CPSF7: variants seen among roughly 807,000 people sequenced by gnomAD.
CPSF7 encodes cleavage and polyadenylation specificity factor subunit 7.
CPSF7 carries 1 observed loss-of-function variant against 44.3 expected under a neutral mutation model. That is an observed-to-expected ratio of 0.02 (90% CI 0.01 to 0.11). CPSF7 has a LOEUF of 0.11. CPSF7 is among the 10% of genes least tolerant of loss of function. The pLI, the probability that CPSF7 is intolerant of heterozygous loss-of-function variation, is 1.00. For missense variants in CPSF7, 443 were observed against 607.2 expected (o/e 0.73, Z 2.84); for synonymous variants, 202 against 222.0 (o/e 0.91, Z 0.80).
At chr11:61,423,644 A>G (rs753078900) in intron 2 of CPSF7, among the ~76,000 whole-genome samples, 1 of 152,232 alleles carries the variant, frequency 6.6e-6, no homozygotes, top group Non-Finnish European at 1.5e-5. Context: ...AAAAGGGAAT[A>G]AAGGAGGCAC....
chr11:61,412,004 G>T, intron 7 of CPSF7, 67 bp from the exon 8 acceptor site: 1 of 1,431,010 alleles, frequency 7.0e-7, no homozygotes, highest in Non-Finnish European at 9.8e-7. Context: ...ACCAAAAGGA[G>T]AACTCAGGCA....
chr11:61,428,136 A>G (rs1187606273), intron 2 of CPSF7, among the ~76,000 whole-genome samples: 1 of 152,214 alleles, frequency 6.6e-6, no homozygotes, highest in Non-Finnish European at 1.5e-5. Flanking sequence ...AATTGACCTC[A>G]AGACTGAAAA....
rs766057871 is a variant in CPSF7, at chr11:61,420,479, TG to T, written c.367del (p.Gln123SerfsTer10). ...LKFAENRANG[Q>X]SKGYAEVVVA... The stretch of plus-strand genomic sequence containing the variant: ...CAAATCCAGACCTCACCCTTTGGAC[TG>T]GCCATTTGCTCGATTCTCTGCAAAT... On this transcript the variant is annotated frameshift_variant, in exon 4 of 10. Transcript: ENST00000439958. LOFTEE classifies it high-confidence loss of function. The T allele has an allele frequency of 6.2e-7, 1 of 1,613,016 alleles. No homozygotes were observed. Among genetic ancestry groups the T allele is most frequent in the Non-Finnish European group, 8.5e-7 (1 of 1,178,928 alleles).
chr11:61,419,745 T>TCCC (rs1860685551), intron 5 of CPSF7, among the ~76,000 whole-genome samples: 1 of 152,144 alleles, frequency 6.6e-6, no homozygotes, highest in South Asian at 2.1e-4. Flanking sequence ...CCTACTTGAC[T>TCCC]CCCAGCACAA....
chr11:61,424,755 C>T (rs1861195138), intron 2 of CPSF7, among the ~76,000 whole-genome samples: 1 of 151,606 alleles, frequency 6.6e-6, no homozygotes, highest in Admixed American at 6.6e-5. Context: ...ACCCAGCCTT[C>T]TTTTTTTTTA....
chr11:61,429,396 G>T (rs949832597), intron 1 of CPSF7, 106 bp from the exon 2 acceptor site: 2 of 699,788 alleles, frequency 2.9e-6, no homozygotes, highest in South Asian at 1.7e-5. Context: ...GCATCCTGGC[G>T]GCCCCAGCTC....
In CPSF7 at chr11:61,427,654, AG is replaced by A. The variant is rs1465586928; in HGVS notation, c.54+1527del. Among the ~76,000 whole-genome samples, 749 of 150,312 alleles carry A rather than the reference AG, an allele frequency of 5.0e-3. 4 individuals carry two copies. The highest frequency in any genetic ancestry group is 8.5e-3 in the Non-Finnish European group (573 of 67,368). On this transcript the variant is annotated intron_variant, in intron 2 of 9. Coordinates refer to ENST00000439958, the MANE Select transcript of CPSF7 (RefSeq NM_001142565.3). Reference sequence around the variant, plus strand: ...GGTGACAGAGAGAGACTCTGTCTCAAGAAAAAAAAAAAAAAAAAAGGAAAAT... The same window carrying A: ...GGTGACAGAGAGAGACTCTGTCTCAAAAAAAAAAAAAAAAAAAAGGAAAAT...
rs990355373 is a variant in CPSF7 at position 61,404,619 on chromosome 11, G to C, written c.*91C>G. The C allele has an allele frequency of 6.6e-6, 1 of 152,226 alleles. No homozygotes were observed. The highest frequency in any genetic ancestry group is 1.5e-5 in the Non-Finnish European group (1 of 68,114). The allele number at this position is 152,226 out of a possible 1,614,324, so 9.4% of individuals were successfully genotyped here. A position where few individuals can be genotyped will look rare whatever the true frequency, so the allele number is the denominator to read the frequency against. ...GTTAGGGGTTTGGAGGAAAGGGAAGGGGGTGGGGCGGCCTCCGTCCTTTAG... is the reference window on the plus strand; with the variant it reads ...GTTAGGGGTTTGGAGGAAAGGGAAGCGGGTGGGGCGGCCTCCGTCCTTTAG... On this transcript the variant is annotated 3_prime_UTR_variant, in exon 10 of 10. Transcript: ENST00000439958.
At chr11:61,415,890 T>C (rs1035818309) in intron 6 of CPSF7, 106 bp from the exon 7 acceptor site, 1 of 917,932 alleles carries the variant, frequency 1.1e-6, no homozygotes, top group African/African-American at 1.7e-5. Context: ...ATGCTAGACA[T>C]CTGTAGCATT....
At position 61,410,905 on chromosome 11, in the gene CPSF7, C is replaced by G. The variant is rs768161827; in HGVS notation, c.*5+33G>C. Reference sequence around the variant, plus strand: ...TATAAATCTTTTTTTAATAAAAAATCCCCCAGCAGCCAGGAACGGGGCTTC... The same window carrying G: ...TATAAATCTTTTTTTAATAAAAAATGCCCCAGCAGCCAGGAACGGGGCTTC... On this transcript the variant is annotated intron_variant, in intron 9 of 9. Transcript: ENST00000439958. 6 of 1,529,532 alleles carry G rather than the reference C, an allele frequency of 3.9e-6. No homozygotes were observed. In the Middle Eastern group the frequency reaches 5.3e-4, roughly 135 times the overall value. 94.7% of individuals were successfully genotyped at this position (1,529,532 alleles called of 1,614,324 possible).
At chr11:61,420,651 TAGTCACAACTA>T in intron 3 of CPSF7, 78 bp from the exon 4 acceptor site, 1 of 1,080,754 alleles carries the variant, frequency 9.3e-7, no homozygotes, top group East Asian at 2.4e-5. Context: ...CCCAGGATTC[TAGTCACAACTA>T]AGTCCCCCCA....
intron 7 of CPSF7, among the ~76,000 whole-genome samples, chr11:61,412,425 G>A (rs1436926037): frequency 1.3e-5 from 2 of 151,980 alleles, no homozygotes; most frequent in Middle Eastern, 3.4e-3. Context: ...GAGTAGCTGG[G>A]ACTACAGGCG....
intron 2 of CPSF7, among the ~76,000 whole-genome samples, chr11:61,422,632 C>T (rs1329472242): frequency 6.6e-6 from 1 of 151,882 alleles, no homozygotes; most frequent in Admixed American, 6.5e-5. Flanking sequence ...CAATGATATA[C>T]AAAAAACAGT....
Position 61,429,953 on chromosome 11 carries a change from C to A in CPSF7, c.-95G>T. On this transcript the variant is annotated 5_prime_UTR_variant, in exon 1 of 10. Coordinates refer to ENST00000439958, the MANE Select transcript of CPSF7 (RefSeq NM_001142565.3). ...CGGCGGCGGCGAGTCCGGACTAGGC[C>A]CGAAGCGCGCGAACCGCTCTCCGCC... 7.4e-7 allele frequency: 1 copy of A among 1,360,336 alleles called. No homozygotes were observed. 84.3% of individuals were successfully genotyped at this position (1,360,336 alleles called of 1,614,324 possible).
intron 3 of CPSF7, 124 bp from the exon 4 acceptor site, chr11:61,420,697 A>G: frequency 1.4e-6 from 1 of 707,948 alleles, no homozygotes; most frequent in South Asian, 1.7e-5. Flanking sequence ...GCCTGGCAAT[A>G]TTTCAATTAG....
At chr11:61,409,694 G>A (rs1401997108) in intron 9 of CPSF7, among the ~76,000 whole-genome samples, 1 of 149,070 alleles carries the variant, frequency 6.7e-6, no homozygotes, top group East Asian at 2.0e-4. Context: ...ATGGGGTCTC[G>A]GCCAGGCATG....
intron 9 of CPSF7, chr11:61,405,991 T>C (rs1214058398): frequency 1.3e-5 from 2 of 152,232 alleles, no homozygotes; most frequent in African/African-American, 4.8e-5. Flanking sequence ...CAGTTTTCAA[T>C]GGATAACGAG....
At chr11:61,420,860 A>ATTTT (rs1860798977) in intron 3 of CPSF7, 9 of 495,496 alleles carry the variant, frequency 1.8e-5, no homozygotes, top group Non-Finnish European at 2.9e-5. Flanking sequence ...ACAGCTAGCA[A>ATTTT]TTTTTTAATT....
At chr11:61,412,866 A>C (rs1486169892) in intron 7 of CPSF7, among the ~76,000 whole-genome samples, 1 of 152,266 alleles carries the variant, frequency 6.6e-6, no homozygotes, top group East Asian at 1.9e-4. Flanking sequence ...AAAAACAATA[A>C]AAATTATATA....
Sources: gnomAD v4.1 joint callset for allele counts (sites outside exome capture counted in the v4.1 genomes callset) on GRCh38, gnomAD v4.1.1 for gene constraint, MANE v1.5 for transcripts, NCBI Gene and HGNC (gene_info 2026-07-23, HGNC 2026-07-21) for gene names.